The following ARHGAP24 variants were observed in gnomAD, a reference collection of about 807,000 sequenced individuals.
The protein encoded by ARHGAP24 is rho GTPase-activating protein 24.
ARHGAP24 carries 50 observed loss-of-function variants against 76.4 expected under a neutral mutation model. That is an observed-to-expected ratio of 0.65 (90% CI 0.52 to 0.83). The LOEUF (loss-of-function observed/expected upper bound fraction) is 0.83, where lower values mean the gene tolerates loss of function less well. Ranked by LOEUF, ARHGAP24 falls within the 40% of genes least tolerant of loss-of-function variation. ARHGAP24 has a pLI of 0.00. For synonymous variants in ARHGAP24, 345 were observed against 323.3 expected (o/e 1.07, Z -0.72); for missense variants, 930 against 914.2 (o/e 1.02, Z -0.22).
At chr4:85,968,889 AT>A (rs1483383302) in intron 5 of ARHGAP24, among the ~76,000 whole-genome samples, 1 of 152,110 alleles carries the variant, frequency 6.6e-6, no homozygotes, top group Non-Finnish European at 1.5e-5. Context: ...TAATCAAAAA[AT>A]ATATATATAA....
In ARHGAP24 at chr4:85,975,023, T is replaced by A. The variant is rs112356295; in HGVS notation, c.806+62T>A. On this transcript the variant is annotated intron_variant, in intron 7 of 9. Coordinates refer to ENST00000395184, the MANE Select transcript of ARHGAP24 (RefSeq NM_001025616.3). ...AGACATATTTAGCCTGATACTAATTTGTGTTTGACAACGAATAAAATCACT... is the reference window on the plus strand; with the variant it reads ...AGACATATTTAGCCTGATACTAATTAGTGTTTGACAACGAATAAAATCACT... 1.1e-3 allele frequency: 1,586 copies of A among 1,456,082 alleles called. 26 individuals carry two copies. The African/African-American group carries it at 0.018, about 16-fold the overall frequency. The allele number at this position is 1,456,082 out of a possible 1,614,324, so 90.2% of individuals were successfully genotyped here. A position where few individuals can be genotyped will look rare whatever the true frequency, so the allele number is the denominator to read the frequency against.
chr4:85,548,685 A>G lies in ARHGAP24; in HGVS notation c.-20-21837A>G, dbSNP rs1726010138. ...AGCTTTTTGGAATAAAATTTACTAG[A>G]GCAAAATAATTTGTGCACAGATATC... On this transcript the variant is annotated intron_variant, in intron 1 of 9. Coordinates refer to ENST00000395184, the MANE Select transcript of ARHGAP24 (RefSeq NM_001025616.3). 2.0e-5 allele frequency among the ~76,000 whole-genome samples: 3 copies of G among 152,228 alleles called. No individual in the cohort carries two copies. In the South Asian group the frequency reaches 6.2e-4, roughly 32 times the overall value.
intron 4 of ARHGAP24, among the ~76,000 whole-genome samples, chr4:85,938,014 A>G (rs1450919056): frequency 5.9e-5 from 9 of 152,218 alleles, no homozygotes; most frequent in Non-Finnish European, 1.3e-4. Flanking sequence ...CTCACTTCAT[A>G]GGCAGCCTCT....
At chr4:85,673,371 T>C (rs1357803779) in intron 2 of ARHGAP24, among the ~76,000 whole-genome samples, 2 of 152,136 alleles carry the variant, frequency 1.3e-5, no homozygotes, top group Non-Finnish European at 2.9e-5. Flanking sequence ...ACTTAAATTT[T>C]GATACTCTTC....
intron 3 of ARHGAP24, among the ~76,000 whole-genome samples, chr4:85,847,577 GGCCTAAGGAAGGCT>G (rs1730959829): frequency 1.3e-5 from 2 of 152,136 alleles, no homozygotes; most frequent in South Asian, 4.1e-4. Flanking sequence ...AAGGAGCAAA[GGCCTAAGGAAGGCT>G]GCTGTGTGAT....
chr4:85,895,982 T>A (rs949731159), intron 3 of ARHGAP24, among the ~76,000 whole-genome samples: 22 of 152,192 alleles, frequency 1.4e-4, no homozygotes, highest in Non-Finnish European at 4.4e-5. Context: ...AATTCCATGG[T>A]AGAGGGTACT....
At chr4:85,603,327 T>C (rs187673708) in intron 2 of ARHGAP24, among the ~76,000 whole-genome samples, 1 of 152,338 alleles carries the variant, frequency 6.6e-6, no homozygotes, top group Admixed American at 6.5e-5. Flanking sequence ...TTATTCTTTT[T>C]CCTATCTGCT....
intron 1 of ARHGAP24, among the ~76,000 whole-genome samples, chr4:85,511,531 C>T (rs1395356227): frequency 6.6e-6 from 1 of 151,894 alleles, no homozygotes; most frequent in East Asian, 1.9e-4. Context: ...GGTGTGATCT[C>T]GACTCACTGC....
intron 4 of ARHGAP24, among the ~76,000 whole-genome samples, chr4:85,926,814 A>C (rs1736046090): frequency 6.6e-6 from 1 of 152,156 alleles, no homozygotes; most frequent in Non-Finnish European, 1.5e-5. Context: ...AAAACTTGCC[A>C]AGTGTCACAC....
chr4:85,936,733 A>G (rs1247079431), intron 4 of ARHGAP24, among the ~76,000 whole-genome samples: 1 of 152,208 alleles, frequency 6.6e-6, no homozygotes, highest in Non-Finnish European at 1.5e-5. Context: ...GGATGAGGCA[A>G]TGGAATGTCA....
At chr4:85,700,892 CA>C (rs1384160904) in intron 2 of ARHGAP24, among the ~76,000 whole-genome samples, 1 of 152,030 alleles carries the variant, frequency 6.6e-6, no homozygotes, top group African/African-American at 2.4e-5. Context: ...GCAGGCAAAA[CA>C]AAAATAAAAT....
At chr4:85,676,638 A>G (rs1722990332) in intron 2 of ARHGAP24, among the ~76,000 whole-genome samples, 1 of 151,952 alleles carries the variant, frequency 6.6e-6, no homozygotes, top group Admixed American at 6.6e-5. Flanking sequence ...GCTCCCAAGG[A>G]CCTATTGTAG....
At chr4:85,992,973 A>T (rs1408478640) in intron 8 of ARHGAP24, among the ~76,000 whole-genome samples, 1 of 152,192 alleles carries the variant, frequency 6.6e-6, no homozygotes, top group African/African-American at 2.4e-5. Flanking sequence ...AATAAGACTA[A>T]ATATTGCATT....
At chr4:85,745,156 C>T (rs1014541337) in intron 3 of ARHGAP24, among the ~76,000 whole-genome samples, 1 of 151,816 alleles carries the variant, frequency 6.6e-6, no homozygotes, top group Non-Finnish European at 1.5e-5. Flanking sequence ...ATTTAACCAG[C>T]GGCCGGGAAT....
intron 4 of ARHGAP24, among the ~76,000 whole-genome samples, chr4:85,924,339 A>G (rs1292939873): frequency 6.6e-6 from 1 of 152,188 alleles, no homozygotes; most frequent in Non-Finnish European, 1.5e-5. Context: ...GGTGCTATGC[A>G]TAGAACTGAA....
intron 2 of ARHGAP24, among the ~76,000 whole-genome samples, chr4:85,606,187 A>C (rs1720184667): frequency 6.6e-6 from 1 of 152,200 alleles, no homozygotes; most frequent in Non-Finnish European, 1.5e-5. Flanking sequence ...ATCAGACCTC[A>C]AAGGGGCATT....
At chr4:85,979,161 T>G (rs1387567932) in intron 8 of ARHGAP24, among the ~76,000 whole-genome samples, 1 of 152,186 alleles carries the variant, frequency 6.6e-6, no homozygotes, top group Non-Finnish European at 1.5e-5. Flanking sequence ...TTGATCTGCT[T>G]GGCGTGACCT....
At chr4:85,962,777 T>C (rs1475620839) in intron 5 of ARHGAP24, among the ~76,000 whole-genome samples, 1 of 151,384 alleles carries the variant, frequency 6.6e-6, no homozygotes, top group Non-Finnish European at 1.5e-5. Context: ...CCCATGTTTA[T>C]TAAAAGTCTT....
chr4:85,667,859 T>C lies in ARHGAP24; in HGVS notation c.181-54026T>C, dbSNP rs567249091. ...CTCTTGAGGTTTACAATTATTTAAT[T>C]GCTATTTTTTTCTCATTGATGTCAA... On this transcript the variant is annotated intron_variant, in intron 2 of 9. Coordinates refer to ENST00000395184, the MANE Select transcript of ARHGAP24 (RefSeq NM_001025616.3). Among the ~76,000 whole-genome samples, 17 of 152,330 alleles carry C rather than the reference T, an allele frequency of 1.1e-4. No homozygotes were observed. The East Asian group carries it at 3.3e-3, about 29-fold the overall frequency.
Sources: gnomAD v4.1 joint callset for allele counts (sites outside exome capture counted in the v4.1 genomes callset) on GRCh38, gnomAD v4.1.1 for gene constraint, MANE v1.5 for transcripts, NCBI Gene and HGNC (gene_info 2026-07-23, HGNC 2026-07-21) for gene names.